Variants in MBD3L1 observed in about 807,000 individuals in gnomAD.
MBD3L1 encodes methyl-CpG-binding domain protein 3-like 1.
For synonymous variants in MBD3L1, 84 were observed against 85.1 expected, an observed-to-expected ratio of 0.99 and a Z score of 0.07; for missense variants, 203 against 230.1, an observed-to-expected ratio of 0.88 and a Z score of 0.76.
Position 8,842,666 on chromosome 19 carries a change from GA to G in MBD3L1, c.-9del. 1 of 1,608,766 alleles carries G rather than the reference GA, an allele frequency of 6.2e-7. No homozygotes were observed. Among genetic ancestry groups the G allele is most frequent in the Non-Finnish European group, 8.5e-7 (1 of 1,176,460 alleles). ...ATGATTTATTTTAATAGTGTAAGAG[GA>G]AAAGAAGTGTGATGGCCAAGAGTTC... On this transcript the variant is annotated 5_prime_UTR_variant, in exon 3 of 3. Coordinates refer to ENST00000595891, the MANE Select transcript of MBD3L1 (RefSeq NM_001393532.1).
chr19:8,835,373 G>A lies in MBD3L1; in HGVS notation c.-107+2851G>A, dbSNP rs375059787. The stretch of plus-strand genomic sequence containing the variant: ...AGCCTGAAAAATGAACAAAGAGTTC[G>A]AATCGTCATTTCTACAAAGAAGATA... On this transcript the variant is annotated intron_variant, in intron 1 of 2. Transcript: ENST00000595891. Among the ~76,000 whole-genome samples the A allele has an allele frequency of 2.6e-5, 4 of 152,140 alleles. No homozygotes were observed. In the East Asian group the frequency reaches 5.8e-4, roughly 22 times the overall value.
chr19:8,837,485 C>G (rs975572446), intron 1 of MBD3L1, among the ~76,000 whole-genome samples: 1 of 152,160 alleles, frequency 6.6e-6, no homozygotes, highest in Non-Finnish European at 1.5e-5. Flanking sequence ...TTGTAACCCA[C>G]AAAGTCTAGG....
At chr19:8,838,152 G>A (rs188850783) in intron 1 of MBD3L1, among the ~76,000 whole-genome samples, 89 of 149,492 alleles carry the variant, frequency 6.0e-4, no homozygotes, top group African/African-American at 2.0e-3. Flanking sequence ...GGAGGCTGAG[G>A]CAGGAGAATC....
chr19:8,840,802 C>T (rs759402293), intron 1 of MBD3L1, 113 bp from the exon 2 acceptor site: 38 of 152,222 alleles, frequency 2.5e-4, no homozygotes, highest in Non-Finnish European at 4.6e-4. Flanking sequence ...CATGACAGTG[C>T]ATACACAGAA....
At chr19:8,838,252 CAAAAA>C (rs542318207) in intron 1 of MBD3L1, among the ~76,000 whole-genome samples, 27 of 11,820 alleles carry the variant, frequency 2.3e-3, no homozygotes, top group South Asian at 3.4e-3. Context: ...GACTCCATCT[CAAAAA>C]AAAAAAAAAA....
intron 1 of MBD3L1, among the ~76,000 whole-genome samples, chr19:8,838,131 C>T (rs1441166737): frequency 6.6e-6 from 1 of 151,438 alleles, no homozygotes; most frequent in Admixed American, 6.6e-5. Context: ...ACCTGTAGTC[C>T]CAGCTACTCA....
In MBD3L1 at chr19:8,842,781, T is replaced by C. The variant is rs2044526129; in HGVS notation, c.103T>C (p.Phe35Leu). ...CCCTTTGAGAATGTCCAGTTACACA[T>C]TCAAGAGGCCAGTAACGAGAATTAC... Reference protein sequence around the residue: ...SIPLRMSSYTFKRPVTRITPH... With the variant: ...SIPLRMSSYTLKRPVTRITPH... Residue 35 changes from phenylalanine to leucine, a missense_variant, in exon 3 of 3, where the codon TTC becomes CTC. Phe to Leu is a conservative substitution (Grantham distance 22). Transcript: ENST00000595891. 1 of 1,614,072 alleles carries C rather than the reference T, an allele frequency of 6.2e-7. No homozygotes were observed. Among genetic ancestry groups the C allele is most frequent in the African/African-American group, 1.3e-5 (1 of 74,928 alleles).
At chr19:8,839,822 G>A (rs963402516) in intron 1 of MBD3L1, among the ~76,000 whole-genome samples, 2 of 152,154 alleles carry the variant, frequency 1.3e-5, no homozygotes, top group Admixed American at 6.5e-5. Flanking sequence ...GTCCCAGGAA[G>A]TTTAGGAGAG....
chr19:8,837,314 A>G (rs1255228915), intron 1 of MBD3L1, among the ~76,000 whole-genome samples: 2 of 152,248 alleles, frequency 1.3e-5, no homozygotes, highest in African/African-American at 4.8e-5. Flanking sequence ...GAAGATTAGT[A>G]ACAATGGCAA....
At chr19:8,838,433 A>G (rs1007040641) in intron 1 of MBD3L1, among the ~76,000 whole-genome samples, 62 of 152,054 alleles carry the variant, frequency 4.1e-4, no homozygotes, top group African/African-American at 1.5e-3. Context: ...GGACATGGAT[A>G]TATTGAGATA....
chr19:8,842,845 A>G lies in MBD3L1; in HGVS notation c.167A>G (p.Glu56Gly). 6.2e-7 allele frequency: 1 copy of G among 1,614,240 alleles called. No homozygotes were observed. The highest frequency in any genetic ancestry group is 8.5e-7 in the Non-Finnish European group (1 of 1,180,040). ...AATGAGGTCAGATACCATCAATGGGAGGAGAGCTTGGAGAAGCCTCAGCAG... is the reference window on the plus strand; with the variant it reads ...AATGAGGTCAGATACCATCAATGGGGGGAGAGCTTGGAGAAGCCTCAGCAG... ...PGNEVRYHQW[E>G]ESLEKPQQVC... Residue 56 changes from glutamate to glycine, a missense_variant, in exon 3 of 3, where the codon GAG becomes GGG. Glu to Gly is a moderately conservative substitution (Grantham distance 98, BLOSUM62 -2). Transcript: ENST00000595891.
chr19:8,832,753 G>C (rs1409801696), intron 1 of MBD3L1, among the ~76,000 whole-genome samples: 1 of 151,802 alleles, frequency 6.6e-6, no homozygotes, highest in African/African-American at 2.4e-5. Flanking sequence ...GAGCGGGGAT[G>C]ACTGAGCAGA....
At position 8,840,981 on chromosome 19, in the gene MBD3L1, A is replaced by G. The variant is rs1468172707; in HGVS notation, c.-40A>G. ...GGACCTTCCAAGTTTGAAGTTTTAC[A>G]AGGCAGGTGTGATAAGTGGTAAGGA... On this transcript the variant is annotated 5_prime_UTR_variant, in exon 2 of 3. Transcript: ENST00000595891. 1 of 151,872 alleles carries G rather than the reference A, an allele frequency of 6.6e-6. No homozygotes were observed. Among genetic ancestry groups the G allele is most frequent in the African/African-American group, 2.4e-5 (1 of 41,346 alleles). 9.4% of individuals were successfully genotyped at this position (151,872 alleles called of 1,614,324 possible). A position where few individuals can be genotyped will look rare whatever the true frequency, so the allele number is the denominator to read the frequency against.
intron 1 of MBD3L1, among the ~76,000 whole-genome samples, chr19:8,840,060 T>G (rs1034431701): frequency 2.0e-5 from 3 of 151,840 alleles, no homozygotes; most frequent in Non-Finnish European, 2.9e-5. Flanking sequence ...GGTATGTGCC[T>G]GTAATCCCAG....
intron 1 of MBD3L1, among the ~76,000 whole-genome samples, chr19:8,836,271 GCTT>G (rs2044454199): frequency 1.3e-5 from 2 of 152,102 alleles, no homozygotes; most frequent in South Asian, 4.1e-4. Flanking sequence ...AAATATGAGT[GCTT>G]CTTCCTCAAA....
At chr19:8,839,443 G>A (rs2044489128) in intron 1 of MBD3L1, among the ~76,000 whole-genome samples, 1 of 151,948 alleles carries the variant, frequency 6.6e-6, no homozygotes, top group African/African-American at 2.4e-5. Context: ...CTCATGATCT[G>A]CCCGCCTCGG....
At chr19:8,841,382 A>T (rs2044511310) in intron 2 of MBD3L1, among the ~76,000 whole-genome samples, 1 of 151,998 alleles carries the variant, frequency 6.6e-6, no homozygotes, top group Non-Finnish European at 1.5e-5. Context: ...GAGTGCTAGG[A>T]ATCAGAGGAG....
At chr19:8,835,157 T>C (rs1251976489) in intron 1 of MBD3L1, among the ~76,000 whole-genome samples, 2 of 152,030 alleles carry the variant, frequency 1.3e-5, no homozygotes, top group South Asian at 2.1e-4. Context: ...ATTCAAGCGA[T>C]TCTCCTGCCT....
intron 1 of MBD3L1, among the ~76,000 whole-genome samples, chr19:8,838,284 G>T (rs960511664): frequency 3.4e-4 from 7 of 20,470 alleles, no homozygotes; most frequent in Non-Finnish European, 7.0e-4. Context: ...AAAAAAAAAA[G>T]ATCAGCAGCC....
Sources: gnomAD v4.1 joint callset for allele counts (sites outside exome capture counted in the v4.1 genomes callset) on GRCh38, gnomAD v4.1.1 for gene constraint, MANE v1.5 for transcripts, NCBI Gene and HGNC (gene_info 2026-07-23, HGNC 2026-07-21) for gene names.